The following FAM13A variants were observed in gnomAD, a reference collection of about 807,000 sequenced individuals.
FAM13A encodes the protein family with sequence similarity 13 member A, also known as protein FAM13A.
A neutral mutation model predicts 129.6 loss-of-function variants in FAM13A; 76 were observed. The ratio of observed to expected loss-of-function variants is 0.59; its 90% CI spans 0.49 to 0.71. The LOEUF (loss-of-function observed/expected upper bound fraction) is 0.71. Among genes scored for constraint, FAM13A ranks in the 30% least tolerant of loss-of-function variants. FAM13A has a pLI of 0.00. For missense variants in FAM13A, 1,108 were observed against 1,249.3 expected, an observed-to-expected ratio of 0.89 and a Z score of 1.70; for synonymous variants, 443 against 449.9, an observed-to-expected ratio of 0.98 and a Z score of 0.20.
chr4:88,843,792 C>T (rs17014666), intron 7 of FAM13A, among the ~76,000 whole-genome samples: 10,679 of 152,206 alleles, frequency 0.07, 534 homozygotes, highest in African/African-American at 0.14. Flanking sequence ...AGAAATGTTA[C>T]GAGCCTTGTA....
At chr4:88,911,498 T>C (rs186119582) in intron 5 of FAM13A, among the ~76,000 whole-genome samples, 8 of 152,332 alleles carry the variant, frequency 5.3e-5, no homozygotes, top group African/African-American at 1.7e-4. Flanking sequence ...CATTCTTGCT[T>C]AATACCTCTT....
At chr4:88,735,952 T>G (rs533478735) in intron 21 of FAM13A, among the ~76,000 whole-genome samples, 1 of 152,140 alleles carries the variant, frequency 6.6e-6, no homozygotes, top group Non-Finnish European at 1.5e-5. Context: ...GAAACCCTTA[T>G]TAAGTGTCTA....
At chr4:88,918,245 TAATC>T (rs1210590199) in intron 5 of FAM13A, among the ~76,000 whole-genome samples, 1 of 152,260 alleles carries the variant, frequency 6.6e-6, no homozygotes, top group Non-Finnish European at 1.5e-5. Context: ...ATGGTAATGA[TAATC>T]AAACTAATAA....
intron 7 of FAM13A, among the ~76,000 whole-genome samples, chr4:88,832,378 T>C (rs552472391): frequency 6.6e-6 from 1 of 152,062 alleles, no homozygotes; most frequent in Non-Finnish European, 1.5e-5. Flanking sequence ...AAAGCAAAAA[T>C]TGACAAATGG....
rs115133664 is a variant in FAM13A at position 88,781,826 on chromosome 4, T to C, written c.1272-475A>G. On this transcript the variant is annotated intron_variant, in intron 10 of 23. Coordinates refer to ENST00000264344, the MANE Select transcript of FAM13A (RefSeq NM_014883.4). The stretch of plus-strand genomic sequence containing the variant: ...GGACACAGGAAGGGGAACATCACAG[T>C]CCGGAGACTGTTGTGGGGTGGGGGG... Among the ~76,000 whole-genome samples the C allele has an allele frequency of 7.0e-3, 1,053 of 149,806 alleles. 21 individuals carry two copies. The highest frequency in any genetic ancestry group is 0.024 in the African/African-American group (974 of 41,068).
intron 5 of FAM13A, among the ~76,000 whole-genome samples, chr4:88,913,129 GGAGGAA>G (rs764183458): frequency 1.2e-4 from 17 of 142,894 alleles, no homozygotes; most frequent in Admixed American, 7.1e-4. Flanking sequence ...AAGAAGAACA[GGAGGAA>G]GAGGAAGAGG....
At position 89,017,077 on chromosome 4, in the gene FAM13A, G is replaced by A. The variant is rs146357481; in HGVS notation, c.427+3383C>T. Among the ~76,000 whole-genome samples the A allele has an allele frequency of 1.4e-4, 22 of 152,318 alleles. No homozygotes were observed. In the East Asian group the frequency reaches 3.9e-3, roughly 27 times the overall value. On this transcript the variant is annotated intron_variant, in intron 3 of 23. Coordinates refer to ENST00000264344, the MANE Select transcript of FAM13A (RefSeq NM_014883.4). The stretch of plus-strand genomic sequence containing the variant: ...AGGCTATGCCATATAGCCTACGTGT[G>A]TAGTAGGCTATACAATCTAGGCTTG...
At chr4:88,850,423 G>A (rs1041579641) in intron 7 of FAM13A, among the ~76,000 whole-genome samples, 8 of 152,124 alleles carry the variant, frequency 5.3e-5, no homozygotes, top group African/African-American at 1.9e-4. Flanking sequence ...CGGGCATGGT[G>A]GCACACACCT....
chr4:88,882,406 C>T (rs953963701), intron 6 of FAM13A, among the ~76,000 whole-genome samples: 7 of 151,972 alleles, frequency 4.6e-5, no homozygotes, highest in African/African-American at 9.7e-5. Flanking sequence ...AGGAAAGTTA[C>T]GGACTTTTTC....
In FAM13A at chr4:88,791,680, A is replaced by G. The variant is rs141339578; in HGVS notation, c.1050-1053T>C. Reference sequence around the variant, plus strand: ...AGAAAATCAAAGTTGTTAAGGACCAATATTGATAGTTGTCTTTCAATTACT... The same window carrying G: ...AGAAAATCAAAGTTGTTAAGGACCAGTATTGATAGTTGTCTTTCAATTACT... On this transcript the variant is annotated intron_variant, in intron 8 of 23. Transcript: ENST00000264344. Among the ~76,000 whole-genome samples, 639 of 152,226 alleles carry G rather than the reference A, an allele frequency of 4.2e-3. 3 individuals carry two copies. The highest frequency in any genetic ancestry group is 0.015 in the African/African-American group (621 of 41,558).
chr4:88,809,860 C>T (rs1729306583), intron 7 of FAM13A, among the ~76,000 whole-genome samples: 1 of 150,196 alleles, frequency 6.7e-6, no homozygotes, highest in East Asian at 1.9e-4. Context: ...AAAAAAAGTC[C>T]CGGTGGGCTT....
intron 4 of FAM13A, among the ~76,000 whole-genome samples, chr4:88,969,086 TATCAA>T (rs570846762): frequency 1.8e-3 from 275 of 152,274 alleles, no homozygotes; most frequent in African/African-American, 6.1e-3. Context: ...CATCTCAGAT[TATCAA>T]ATCAAATCAA....
intron 4 of FAM13A, among the ~76,000 whole-genome samples, chr4:88,986,153 A>G (rs1246080823): frequency 6.9e-6 from 1 of 145,110 alleles, no homozygotes; most frequent in Admixed American, 6.9e-5. Context: ...TTTTTTTTTG[A>G]GATTGAGTCT....
chr4:88,802,312 A>T (rs1727629670), intron 8 of FAM13A, among the ~76,000 whole-genome samples: 1 of 152,148 alleles, frequency 6.6e-6, no homozygotes, highest in Non-Finnish European at 1.5e-5. Flanking sequence ...CTACTGTTTG[A>T]GCTCCTATAA....
At chr4:89,040,758 T>C (rs750192770) in intron 1 of FAM13A, among the ~76,000 whole-genome samples, 3 of 152,186 alleles carry the variant, frequency 2.0e-5, no homozygotes, top group Non-Finnish European at 2.9e-5. Context: ...TTGACTGGAT[T>C]GAAGGATGCA....
rs58046174 is a variant in FAM13A, at chr4:88,980,105, A to C, written c.605+10868T>G. Among the ~76,000 whole-genome samples the C allele has an allele frequency of 2.9e-3, 440 of 152,384 alleles. 1 individual carries two copies. Among genetic ancestry groups the C allele is most frequent in the African/African-American group, 1.0e-2 (414 of 41,594 alleles). On this transcript the variant is annotated intron_variant, in intron 4 of 23. Coordinates refer to ENST00000264344, the MANE Select transcript of FAM13A (RefSeq NM_014883.4). ...GTAGAATTACATGTATAAGCATGAG[A>C]CATGCCATGATAAACAACAGTAAGT...
At chr4:88,953,635 T>G (rs1410902240) in intron 4 of FAM13A, among the ~76,000 whole-genome samples, 1 of 152,180 alleles carries the variant, frequency 6.6e-6, no homozygotes, top group African/African-American at 2.4e-5. Context: ...CAACTTCCTC[T>G]TTCTCCCTCC....
chr4:89,025,245 GTTTTTTTTTTTTTT>G (rs56710705), intron 2 of FAM13A, among the ~76,000 whole-genome samples: 20 of 61,362 alleles, frequency 3.3e-4, no homozygotes, highest in Admixed American at 9.1e-4. Flanking sequence ...TGGAATCATT[GTTTTTTTTTTTTTT>G]TTTTTTTTTT....
At chr4:89,011,054 G>C (rs1314314575) in intron 3 of FAM13A, among the ~76,000 whole-genome samples, 1 of 151,990 alleles carries the variant, frequency 6.6e-6, no homozygotes, top group Non-Finnish European at 1.5e-5. Flanking sequence ...CCTCATGTTG[G>C]CCAGGCTGCC....
Sources: allele counts gnomAD v4.1 joint callset (sites outside exome capture counted in the v4.1 genomes callset), GRCh38; gene constraint gnomAD v4.1.1; transcripts MANE v1.5; gene names NCBI Gene and HGNC (gene_info 2026-07-23, HGNC 2026-07-21).